RBFOX1: variants seen among roughly 807,000 people sequenced by gnomAD.
The protein encoded by RBFOX1 is RNA binding protein fox-1 homolog 1.
A neutral mutation model predicts 57.7 loss-of-function variants in RBFOX1; 8 were observed. The ratio of observed to expected loss-of-function variants is 0.14; its 90% CI spans 0.08 to 0.25. The LOEUF (loss-of-function observed/expected upper bound fraction) is 0.25, where lower values mean the gene tolerates loss of function less well. Ranked by LOEUF, RBFOX1 falls within the 10% of genes least tolerant of loss-of-function variation. The pLI, the probability that RBFOX1 is intolerant of heterozygous loss-of-function variation, is 1.00. For missense variants in RBFOX1, 611 were observed against 548.5 expected (o/e 1.11, Z -1.14); for synonymous variants, 326 against 222.4 (o/e 1.47, Z -4.15).
intron 2 of RBFOX1, chr16:5,467,329 G>A (rs997898983): frequency 3.9e-5 from 54 of 1,383,814 alleles, no homozygotes; most frequent in African/African-American, 3.2e-4. Flanking sequence ...AAAATCTTGC[G>A]TCACAGCCCT....
intron 6 of RBFOX1, among the ~76,000 whole-genome samples, chr16:7,580,157 A>G (rs561452508): frequency 1.3e-5 from 2 of 152,290 alleles, no homozygotes; most frequent in East Asian, 3.9e-4. Flanking sequence ...TCTAAGAAGT[A>G]ACTTGTAGGC....
intron 3 of RBFOX1, among the ~76,000 whole-genome samples, chr16:6,995,545 A>C (rs967542690): frequency 1.3e-5 from 2 of 152,018 alleles, no homozygotes; most frequent in Non-Finnish European, 2.9e-5. Flanking sequence ...AGGGTGGATC[A>C]CCTTAGGTCA....
At chr16:7,693,208 C>G in intron 14 of RBFOX1, 2 of 853,898 alleles carry the variant, frequency 2.3e-6, no homozygotes, top group Non-Finnish European at 3.9e-6. Context: ...AACATCCATT[C>G]ACACGCAGCA....
intron 3 of RBFOX1, chr16:6,721,706 G>A (rs922577873): frequency 6.6e-6 from 1 of 152,000 alleles, no homozygotes; most frequent in African/African-American, 2.4e-5. Context: ...TTTTGTGACT[G>A]TCTTATTTAA....
intron 3 of RBFOX1, among the ~76,000 whole-genome samples, chr16:5,665,173 A>G (rs917619794): frequency 1.3e-5 from 2 of 148,970 alleles, no homozygotes; most frequent in African/African-American, 5.0e-5. Flanking sequence ...CTGGCCTCGA[A>G]CTCCTGGGCT....
intron 1 of RBFOX1, among the ~76,000 whole-genome samples, chr16:5,355,393 G>C (rs1482154669): frequency 6.6e-6 from 1 of 152,158 alleles, no homozygotes; most frequent in Admixed American, 6.5e-5. Flanking sequence ...CCGTCCCTCT[G>C]TCTGCATCGT....
chr16:6,209,469 T>C (rs569610662), intron 1 of RBFOX1, among the ~76,000 whole-genome samples: 11 of 152,310 alleles, frequency 7.2e-5, no homozygotes, highest in Non-Finnish European at 1.5e-4. Context: ...CTTAATGCCG[T>C]CTCATCTAAT....
chr16:7,137,877 G>C (rs1477875207), intron 4 of RBFOX1, among the ~76,000 whole-genome samples: 1 of 152,174 alleles, frequency 6.6e-6, no homozygotes, highest in African/African-American at 2.4e-5. Flanking sequence ...GAGCATCTGT[G>C]ATTTGCCAGA....
chr16:6,273,277 C>G (rs1046099198), intron 1 of RBFOX1, among the ~76,000 whole-genome samples: 8 of 150,010 alleles, frequency 5.3e-5, no homozygotes, highest in Non-Finnish European at 1.2e-4. Context: ...ACAAAACAAA[C>G]CAAAGCAAAG....
intron 3 of RBFOX1, among the ~76,000 whole-genome samples, chr16:7,007,259 C>T (rs1447064903): frequency 6.6e-6 from 1 of 152,148 alleles, no homozygotes. Flanking sequence ...TTTTTACGTC[C>T]TTTTGTGAAG....
intron 3 of RBFOX1, among the ~76,000 whole-genome samples, chr16:6,707,478 G>GTTTTTTTTTTTTTTTTTTTTTTTTT (rs61418784): frequency 7.8e-6 from 1 of 128,310 alleles, no homozygotes. Context: ...TCCCATTTTT[G>GTTTTTTTTTTTTTTTTTTTTTTTTT]TTTTTTTTTT....
chr16:5,540,314 G>A (rs1434596946), intron 2 of RBFOX1, among the ~76,000 whole-genome samples: 3 of 152,146 alleles, frequency 2.0e-5, no homozygotes, highest in Non-Finnish European at 4.4e-5. Flanking sequence ...GTTCATATAT[G>A]TTTGGAAAAA....
chr16:7,686,365 A>T (rs7201241), intron 14 of RBFOX1, among the ~76,000 whole-genome samples: 1 of 152,026 alleles, frequency 6.6e-6, no homozygotes, highest in Non-Finnish European at 1.5e-5. Flanking sequence ...TTCTTTTTCA[A>T]CCTGTGCCTT....
At chr16:6,468,350 C>T (rs993153203) in intron 2 of RBFOX1, among the ~76,000 whole-genome samples, 1 of 152,176 alleles carries the variant, frequency 6.6e-6, no homozygotes, top group African/African-American at 2.4e-5. Context: ...TAAGCTTGTG[C>T]CCCACTGCTG....
chr16:5,437,541 A>G (rs1446876247), intron 1 of RBFOX1, among the ~76,000 whole-genome samples: 1 of 150,422 alleles, frequency 6.6e-6, no homozygotes, highest in Non-Finnish European at 1.5e-5. Flanking sequence ...ATGAATCTCT[A>G]AGAAGCTTAA....
At chr16:6,559,710 A>G (rs532096401) in intron 2 of RBFOX1, among the ~76,000 whole-genome samples, 3 of 152,236 alleles carry the variant, frequency 2.0e-5, no homozygotes, top group African/African-American at 7.2e-5. Flanking sequence ...ATATCCCTCT[A>G]TAATCTGTGT....
intron 2 of RBFOX1, among the ~76,000 whole-genome samples, chr16:6,614,952 A>T (rs147531766): frequency 1.3e-4 from 20 of 152,316 alleles, no homozygotes; most frequent in African/African-American, 3.6e-4. Flanking sequence ...AGACACTTTA[A>T]AAATATAGAT....
chr16:6,429,819 C>T (rs911302778), intron 2 of RBFOX1, among the ~76,000 whole-genome samples: 2 of 152,124 alleles, frequency 1.3e-5, no homozygotes, highest in African/African-American at 4.8e-5. Context: ...CCAATTGCAC[C>T]TCTTTCCTGC....
intron 1 of RBFOX1, among the ~76,000 whole-genome samples, chr16:6,077,944 C>T (rs761586635): frequency 1.3e-5 from 2 of 152,014 alleles, no homozygotes; most frequent in South Asian, 2.1e-4. Context: ...TGAGCTGTTG[C>T]CCCCAGGAAA....
Sources: gnomAD v4.1 joint callset for allele counts (sites outside exome capture counted in the v4.1 genomes callset) on GRCh38, gnomAD v4.1.1 for gene constraint, MANE v1.5 for transcripts, NCBI Gene and HGNC (gene_info 2026-07-23, HGNC 2026-07-21) for gene names.